Variants in TMEM135 observed in about 807,000 individuals in gnomAD.
The protein encoded by TMEM135 is transmembrane protein 135, also known as peroxisomal membrane protein 52.
In TMEM135, 30 loss-of-function variants were observed where a neutral mutation model predicts 60.3. That is an observed-to-expected ratio of 0.50 (90% CI 0.37 to 0.68). The LOEUF (loss-of-function observed/expected upper bound fraction) is 0.68, where lower values mean the gene tolerates loss of function less well. TMEM135 is among the 30% of genes least tolerant of loss of function. TMEM135 has a pLI of 0.00. For missense variants in TMEM135, 468 were observed against 548.8 expected, an observed-to-expected ratio of 0.85 and a Z score of 1.47; for synonymous variants, 190 against 186.7, an observed-to-expected ratio of 1.02 and a Z score of -0.14.
chr11:87,135,509 A>ATTTTTC (rs1347645585), intron 4 of TMEM135, among the ~76,000 whole-genome samples: 1 of 57,268 alleles, frequency 1.7e-5, no homozygotes, highest in Non-Finnish European at 3.9e-5. Flanking sequence ...TTTTTTTTTA[A>ATTTTTC]CGGAATTACG....
chr11:87,229,273 A>G (rs1940835312), intron 5 of TMEM135, among the ~76,000 whole-genome samples: 1 of 152,154 alleles, frequency 6.6e-6, no homozygotes, highest in Non-Finnish European at 1.5e-5. Context: ...AAAGGCCATT[A>G]ACCCAACTAA....
At chr11:87,054,498 A>T (rs1949873526) in intron 1 of TMEM135, among the ~76,000 whole-genome samples, 2 of 152,206 alleles carry the variant, frequency 1.3e-5, no homozygotes, top group Admixed American at 1.3e-4. Flanking sequence ...TTATATGTGA[A>T]AGAAAAGTAT....
chr11:87,206,947 A>T (rs1940248756), intron 5 of TMEM135, among the ~76,000 whole-genome samples: 1 of 152,098 alleles, frequency 6.6e-6, no homozygotes, highest in East Asian at 1.9e-4. Context: ...GAGTAAGATT[A>T]AAAAAAATTA....
At chr11:87,129,213 A>ATTT (rs71040295) in intron 4 of TMEM135, among the ~76,000 whole-genome samples, 1 of 116,166 alleles carries the variant, frequency 8.6e-6, no homozygotes, top group Non-Finnish European at 1.9e-5. Context: ...TTATTCCTTA[A>ATTT]TTTTTTTTTT....
intron 4 of TMEM135, among the ~76,000 whole-genome samples, chr11:87,118,060 A>G (rs2135209100): frequency 6.8e-6 from 1 of 147,070 alleles, no homozygotes; most frequent in Non-Finnish European, 1.5e-5. Context: ...GTTGTCAATG[A>G]GTAGTAATAT....
At chr11:87,315,012 C>A (rs906317617) in intron 12 of TMEM135, among the ~76,000 whole-genome samples, 1 of 151,844 alleles carries the variant, frequency 6.6e-6, no homozygotes, top group African/African-American at 2.4e-5. Flanking sequence ...ACTAATATAT[C>A]CAATTAGAGT....
chr11:87,217,643 G>A (rs1940530466), intron 5 of TMEM135, among the ~76,000 whole-genome samples: 1 of 152,042 alleles, frequency 6.6e-6, no homozygotes, highest in Admixed American at 6.6e-5. Context: ...AAGTTAGTTC[G>A]GCGTGGCGGC....
chr11:87,156,291 G>A (rs187222884), intron 4 of TMEM135, among the ~76,000 whole-genome samples: 5 of 152,240 alleles, frequency 3.3e-5, no homozygotes, highest in Admixed American at 3.3e-4. Flanking sequence ...AAATCCGAAA[G>A]TGAGTCCTTC....
rs1942889066 is a variant in TMEM135 at position 87,324,846 on chromosome 11, C to T, written c.*3513C>T. On this transcript the variant is annotated 3_prime_UTR_variant, in exon 15 of 15. Transcript: ENST00000305494. ...AGATATCTTATAAACATTCTCTCTC[C>T]TAACACCTCCTTCTAGTAATCATTT... 2 of 453,752 alleles carry T rather than the reference C, an allele frequency of 4.4e-6. No individual in the cohort carries two copies. Among genetic ancestry groups the T allele is most frequent in the Non-Finnish European group, 8.8e-6 (2 of 226,728 alleles). The allele number at this position is 453,752 out of a possible 1,614,324, so 28.1% of individuals were successfully genotyped here.
At chr11:87,178,109 C>T (rs1031580651) in intron 5 of TMEM135, among the ~76,000 whole-genome samples, 2 of 152,084 alleles carry the variant, frequency 1.3e-5, no homozygotes, top group African/African-American at 4.8e-5. Flanking sequence ...AAATTATTGG[C>T]CATGTGATTG....
intron 1 of TMEM135, among the ~76,000 whole-genome samples, chr11:87,062,666 T>C (rs1040865733): frequency 6.6e-6 from 1 of 151,638 alleles, no homozygotes; most frequent in Non-Finnish European, 1.5e-5. Context: ...GATTTCACCA[T>C]CTTGGCCAGG....
intron 6 of TMEM135, among the ~76,000 whole-genome samples, chr11:87,266,556 C>T (rs1941751517): frequency 6.6e-6 from 1 of 152,126 alleles, no homozygotes; most frequent in Non-Finnish European, 1.5e-5. Flanking sequence ...CTTATTGTCT[C>T]TCTTTTTTTC....
chr11:87,177,577 T>G (rs959908063), intron 5 of TMEM135, among the ~76,000 whole-genome samples: 1 of 152,190 alleles, frequency 6.6e-6, no homozygotes, highest in South Asian at 2.1e-4. Flanking sequence ...CATAATCAAA[T>G]CTAGTTTTTG....
intron 6 of TMEM135, among the ~76,000 whole-genome samples, chr11:87,239,256 G>T (rs1291597832): frequency 2.0e-5 from 3 of 152,026 alleles, no homozygotes; most frequent in Non-Finnish European, 4.4e-5. Context: ...GAGGAAAGGG[G>T]TTGTTTTTCT....
chr11:87,199,330 C>A (rs891672349), intron 5 of TMEM135, among the ~76,000 whole-genome samples: 1 of 152,150 alleles, frequency 6.6e-6, no homozygotes, highest in African/African-American at 2.4e-5. Context: ...TTGTATTGAC[C>A]TCTCCAAGAC....
intron 5 of TMEM135, among the ~76,000 whole-genome samples, chr11:87,158,077 T>G (rs1197600953): frequency 6.6e-6 from 1 of 152,154 alleles, no homozygotes; most frequent in Non-Finnish European, 1.5e-5. Context: ...GGCAAATACT[T>G]AAGGATAAAA....
intron 5 of TMEM135, among the ~76,000 whole-genome samples, chr11:87,171,341 T>TTTTG (rs199743479): frequency 1.5e-4 from 19 of 128,272 alleles, no homozygotes; most frequent in East Asian, 7.0e-4. Flanking sequence ...GTGTAGTGTT[T>TTTTG]TTTTTTTTTT....
At chr11:87,109,683 A>AT (rs1243181410) in intron 4 of TMEM135, among the ~76,000 whole-genome samples, 3 of 152,190 alleles carry the variant, frequency 2.0e-5, no homozygotes, top group African/African-American at 7.2e-5. Flanking sequence ...GGACTATTAT[A>AT]TGTCAGTTTT....
chr11:87,161,072 GT>G (rs1555112232), intron 5 of TMEM135, among the ~76,000 whole-genome samples: 1 of 151,960 alleles, frequency 6.6e-6, no homozygotes, highest in African/African-American at 2.4e-5. Context: ...ACTAATTTTT[GT>G]TTTTTTAGTA....
Sources: gnomAD v4.1 joint callset for allele counts (sites outside exome capture counted in the v4.1 genomes callset) on GRCh38, gnomAD v4.1.1 for gene constraint, MANE v1.5 for transcripts, NCBI Gene and HGNC (gene_info 2026-07-23, HGNC 2026-07-21) for gene names.